Variants in FAT2 observed in about 807,000 individuals in gnomAD.
FAT2 encodes FAT atypical cadherin 2.
Under a neutral mutation model 295.3 loss-of-function variants are expected in FAT2, and 150 were observed. That is an observed-to-expected ratio of 0.51 (90% confidence interval 0.44 to 0.58). The LOEUF is 0.58. Among genes scored for constraint, FAT2 ranks in the 20% least tolerant of loss-of-function variants. The pLI, the probability that FAT2 is intolerant of heterozygous loss-of-function variation, is 0.00. For synonymous variants in FAT2, 2,026 were observed against 2,150.3 expected, an observed-to-expected ratio of 0.94 and a Z score of 1.60; for missense variants, 4,868 against 5,442.7, an observed-to-expected ratio of 0.89 and a Z score of 3.32.
Position 151,521,718 on chromosome 5 carries a change from C to A in FAT2, c.10875G>T (p.Glu3625Asp). The A allele has an allele frequency of 6.2e-7, 1 of 1,614,018 alleles. No individual in the cohort carries two copies. The highest frequency in any genetic ancestry group is 8.5e-7 in the Non-Finnish European group (1 of 1,180,022). Residue 3625 changes from glutamate to aspartate, a missense_variant, in exon 19 of 24, where the codon GAG becomes GAT. By Grantham distance (45) the Glu-to-Asp change is conservative. Around this residue, in one of 5 missense-constraint regions of FAT2, gnomAD observed 1,046 missense variants for 1,210.1 expected, o/e 0.86. Transcript: ENST00000261800. ...VHVYVWHVGQ[E>D]ALQQAMWMGF... ...CCATCCACATGGCCTGCTGCAGAGC[C>A]TCCTGCCCCACATGCCACACGTACA...
chr5:151,532,015 T>C (rs2127592140), intron 13 of FAT2, 45 bp from the exon 14 acceptor site: 1 of 1,598,042 alleles, frequency 6.3e-7, no homozygotes, highest in South Asian at 1.1e-5. Context: ...GGGCGCCTCC[T>C]CTGGACCTGC....
At chr5:151,535,527 G>A (rs1355177916) in intron 12 of FAT2, among the ~76,000 whole-genome samples, 1 of 149,872 alleles carries the variant, frequency 6.7e-6, no homozygotes, top group Non-Finnish European at 1.5e-5. Flanking sequence ...GGACATGGGA[G>A]CCCCTTTCCT....
Position 151,505,472 on chromosome 5 carries a change from C to G in FAT2, c.*93G>C. On this transcript the variant is annotated 3_prime_UTR_variant, in exon 24 of 24. Transcript: ENST00000261800. The stretch of plus-strand genomic sequence containing the variant: ...GGCTGAGGGCTTCCCTCCCACTCTC[C>G]CAGCCACACTCAACTCACCCCCTAC... 2.7e-6 allele frequency: 4 copies of G among 1,491,484 alleles called. No individual in the cohort carries two copies. The highest frequency in any genetic ancestry group is 3.7e-6 in the Non-Finnish European group (4 of 1,093,212). 92.4% of individuals were successfully genotyped at this position (1,491,484 alleles called of 1,614,324 possible). A position where few individuals can be genotyped will look rare whatever the true frequency, so the allele number is the denominator to read the frequency against.
intron 5 of FAT2, 76 bp downstream of exon 5, chr5:151,554,286 C>T (rs1757491877): frequency 1.4e-6 from 2 of 1,385,400 alleles, no homozygotes; most frequent in Admixed American, 2.1e-5. Flanking sequence ...GGCTGTCTCC[C>T]TCCTCCTGAA....
chr5:151,589,236 C>A (rs146727027), intron 1 of FAT2, among the ~76,000 whole-genome samples: 5 of 152,304 alleles, frequency 3.3e-5, no homozygotes, highest in African/African-American at 7.2e-5. Context: ...CATCTCCCCC[C>A]AGACACACAC....
chr5:151,568,883 T>A lies in FAT2; in HGVS notation c.49A>T (p.Thr17Ser). ...GFAIFLLHCA[T>S]CEKPLEGILS... ...ATCCCTTCTAGAGGCTTCTCACAGG[T>A]CGCACAATGGAGCAAGAATATGGCA... is the stretch of plus-strand genomic sequence containing the variant. Residue 17 changes from threonine (T) to serine (S), a missense_variant, in exon 2 of 24, where the codon ACC becomes TCC. Physicochemically the swap from Thr to Ser is moderately conservative, Grantham distance 58. Coordinates refer to ENST00000261800, the MANE Select transcript of FAT2 (RefSeq NM_001447.3). 6.2e-7 allele frequency: 1 copy of A among 1,613,736 alleles called. No homozygotes were observed. The highest frequency in any genetic ancestry group is 8.5e-7 in the Non-Finnish European group (1 of 1,179,902).
chr5:151,550,495 G>C (rs1757092121), intron 8 of FAT2, 95 bp downstream of exon 8: 2 of 1,388,460 alleles, frequency 1.4e-6, no homozygotes, highest in Non-Finnish European at 2.0e-6. Context: ...TGGTCCTTAT[G>C]AGGGGAAGGG....
At position 151,537,819 on chromosome 5, in the gene FAT2, T is replaced by G; in HGVS notation, c.9167A>C (p.His3056Pro). ...ITYSLHGPGA[H>P]EFKLDPHTGE... Reference sequence around the variant, plus strand: ...TGTATGAGGATCCAGCTTGAATTCATGCGCCCCAGGGCCATGCAGAGAATA... The same window carrying G: ...TGTATGAGGATCCAGCTTGAATTCAGGCGCCCCAGGGCCATGCAGAGAATA... Residue 3056 changes from histidine (H) to proline (P), a missense_variant, in exon 12 of 24, where the codon CAT becomes CCT. Coordinates refer to ENST00000261800, the MANE Select transcript of FAT2 (RefSeq NM_001447.3). 1.2e-6 allele frequency: 2 copies of G among 1,611,544 alleles called. No individual in the cohort carries two copies. The highest frequency in any genetic ancestry group is 1.7e-6 in the Non-Finnish European group (2 of 1,178,622).
Position 151,543,634 on chromosome 5 carries a change from G to C in FAT2, c.7493C>G (p.Thr2498Ser), listed in dbSNP as rs1756362853. Residue 2498 changes from threonine to serine, a missense_variant, in exon 10 of 24, where the codon ACC (threonine) becomes AGC (serine). Transcript: ENST00000261800. ...AELAENAMVG[T>S]KVIDLLAIDK... ...TATGGCTAGCAAATCAATCACCTTG[G>C]TTCCAACCATTGCATTCTCTGCTAA... 2.5e-6 allele frequency: 4 copies of C among 1,614,136 alleles called. No individual in the cohort carries two copies. Among genetic ancestry groups the C allele is most frequent in the Non-Finnish European group, 3.4e-6 (4 of 1,180,020 alleles).
At position 151,521,298 on chromosome 5, in the gene FAT2, C is replaced by A. The variant is rs1309054527; in HGVS notation, c.11295G>T (p.Leu3765=). The change falls in exon 19 of 24, where the codon CTG becomes CTT. Residue 3765 remains leucine (L), a synonymous_variant. Coordinates refer to ENST00000261800, the MANE Select transcript of FAT2 (RefSeq NM_001447.3). The part of the protein sequence containing the change: ...RLSILTPRHH[L]QRSCSCNGTA... ...TACCATTGCAGGAGCAGCTCCTCTG[C>A]AGGTGGTGCCGCGGGGTTAGGATGC... is the stretch of plus-strand genomic sequence containing the variant. The A allele has an allele frequency of 1.2e-6, 2 of 1,610,788 alleles. No individual in the cohort carries two copies. Among genetic ancestry groups the A allele is most frequent in the South Asian group, 1.1e-5 (1 of 90,820 alleles).
At chr5:151,571,227 C>T (rs1758509735) in intron 1 of FAT2, among the ~76,000 whole-genome samples, 1 of 152,052 alleles carries the variant, frequency 6.6e-6, no homozygotes, top group African/African-American at 2.4e-5. Context: ...ACCCCTGACC[C>T]AGCCCCCACA....
intron 22 of FAT2, 54 bp downstream of exon 22, chr5:151,509,967 C>T: frequency 6.3e-7 from 1 of 1,596,780 alleles, no homozygotes; most frequent in Non-Finnish European, 8.6e-7. Flanking sequence ...GGTCAGAGTA[C>T]AGAGCGCATT....
At position 151,567,045 on chromosome 5, in the gene FAT2, A is replaced by G. The variant is rs1561876087; in HGVS notation, c.1887T>C (p.Thr629=). The change falls in exon 2 of 24, where the codon ACT becomes ACC. Residue 629 remains threonine, a synonymous_variant. Transcript: ENST00000261800. ...ISLKRPFINL[T]AGQPTSYSLK... The stretch of plus-strand genomic sequence containing the variant: ...GGGAATAACTGGTGGGTTGACCAGC[A>G]GTAAGATTGATAAAAGGGCGTTTGA... 1 of 1,614,128 alleles carries G rather than the reference A, an allele frequency of 6.2e-7. No homozygotes were observed. The highest frequency in any genetic ancestry group is 8.5e-7 in the Non-Finnish European group (1 of 1,180,000).
Position 151,568,871 on chromosome 5 carries a change from G to C in FAT2, c.61C>G (p.Pro21Ala), listed in dbSNP as rs1438206863. The change falls in exon 2 of 24, where the codon CCT (proline) becomes GCT (alanine). Residue 21 changes from proline to alanine, a missense_variant. Pro to Ala is a conservative substitution (Grantham distance 27, BLOSUM62 -1). Around this residue, in one of 5 missense-constraint regions of FAT2, gnomAD observed 3,297 missense variants for 3,669.4 expected, o/e 0.90. Transcript: ENST00000261800. Reference protein sequence around the residue: ...FLLHCATCEKPLEGILSSSAW... With the variant: ...FLLHCATCEKALEGILSSSAW... Reference sequence around the variant, plus strand: ...GAGGAGGAGAGAATCCCTTCTAGAGGCTTCTCACAGGTCGCACAATGGAGC... The same window carrying C: ...GAGGAGGAGAGAATCCCTTCTAGAGCCTTCTCACAGGTCGCACAATGGAGC... 1 of 1,613,892 alleles carries C rather than the reference G, an allele frequency of 6.2e-7. No homozygotes were observed. The highest frequency in any genetic ancestry group is 8.5e-7 in the Non-Finnish European group (1 of 1,179,972).
intron 13 of FAT2, among the ~76,000 whole-genome samples, chr5:151,532,849 G>A (rs938064448): frequency 3.9e-5 from 6 of 152,162 alleles, no homozygotes; most frequent in South Asian, 2.1e-4. Context: ...TCCCACACAC[G>A]TGGAACACAA....
At position 151,573,634 on chromosome 5, in the gene FAT2, C is replaced by A. The variant is rs144306722; in HGVS notation, c.-20-4683G>T. On this transcript the variant is annotated intron_variant, in intron 1 of 23. Transcript: ENST00000261800. ...GCGCCACTGCACTCCAGCCTGGCAA[C>A]AGAGCAGGACTCCATCTCAAAATAA... Among the ~76,000 whole-genome samples, 109 of 152,298 alleles carry A rather than the reference C, an allele frequency of 7.2e-4. 2 individuals are homozygous for A. The highest frequency in any genetic ancestry group is 2.5e-3 in the African/African-American group (103 of 41,560).
Position 151,506,044 on chromosome 5 carries a change from A to G in FAT2, c.12571T>C (p.Trp4191Arg), listed in dbSNP as rs1400667379. The stretch of plus-strand genomic sequence containing the variant: ...GTCACTTCGGAGTGGGGGTATTCCC[A>G]GCGTTCGTTCCTGGAGTAAGTAGGG... ...WPPTYSRNER[W>R]EYPHSEVTQG... is the part of the protein sequence containing the mutation. The change falls in exon 24 of 24, where the codon TGG becomes CGG. Residue 4191 changes from tryptophan to arginine, a missense_variant. Trp to Arg is a moderately radical substitution (Grantham distance 101). Around this residue, in one of 5 missense-constraint regions of FAT2, gnomAD observed 492 missense variants for 482.6 expected, o/e 1.02. Coordinates refer to ENST00000261800, the MANE Select transcript of FAT2 (RefSeq NM_001447.3). 6.4e-7 allele frequency: 1 copy of G among 1,562,006 alleles called. No homozygotes were observed. Among genetic ancestry groups the G allele is most frequent in the Non-Finnish European group, 8.6e-7 (1 of 1,159,858 alleles).
At chr5:151,561,284 G>A (rs779106670) in intron 3 of FAT2, among the ~76,000 whole-genome samples, 2 of 152,220 alleles carry the variant, frequency 1.3e-5, no homozygotes, top group Non-Finnish European at 2.9e-5. Context: ...CCATGTGACT[G>A]GAACATGGGG....
At chr5:151,533,752 T>C (rs1012945882) in intron 13 of FAT2, among the ~76,000 whole-genome samples, 3 of 151,824 alleles carry the variant, frequency 2.0e-5, no homozygotes, top group Non-Finnish European at 4.4e-5. Context: ...TACATATATA[T>C]ATGTGATATA....
Sources: gnomAD v4.1 joint callset for allele counts (sites outside exome capture counted in the v4.1 genomes callset) on GRCh38, gnomAD v4.1.1 for gene constraint, gnomAD v4.1.1 regional missense constraint, MANE v1.5 for transcripts, NCBI Gene and HGNC (gene_info 2026-07-23, HGNC 2026-07-21) for gene names.